The following CPVL variants were observed in gnomAD, a reference collection of about 807,000 sequenced individuals.
CPVL encodes probable serine carboxypeptidase CPVL.
Under a neutral mutation model 63.7 loss-of-function variants are expected in CPVL, and 51 were observed. That is an observed-to-expected ratio of 0.80 (90% CI 0.64 to 1.01). The LOEUF is 1.01. Among genes scored for constraint, CPVL ranks in the 50% least tolerant of loss-of-function variants. The probability of loss-of-function intolerance (pLI) is 0.00; values close to 1 mark genes in which losing one functional copy is unlikely to be tolerated. For synonymous variants in CPVL, 195 were observed against 206.0 expected, an observed-to-expected ratio of 0.95 and a Z score of 0.46; for missense variants, 530 against 573.1, an observed-to-expected ratio of 0.92 and a Z score of 0.77.
chr7:28,999,459 T>G (rs142646648), intron 12 of CPVL, among the ~76,000 whole-genome samples: 5 of 152,232 alleles, frequency 3.3e-5, no homozygotes, highest in Non-Finnish European at 5.9e-5. Flanking sequence ...ATTCTCTGTT[T>G]ACATCAAGGT....
intron 7 of CPVL, among the ~76,000 whole-genome samples, chr7:29,072,842 C>T (rs12671830): frequency 0.27 from 40,665 of 152,044 alleles, 6,317 homozygotes; most frequent in East Asian, 0.61. Context: ...TTGAAATCAA[C>T]ATGTACTAAA....
chr7:29,014,074 C>T lies in CPVL; in HGVS notation c.1320+16503G>A, dbSNP rs148069354. ...TGCACCCCAAACTTTGCCTCAGTGCCTGCTTTTGGAGGACCTAACCTGTGA... is the reference window on the plus strand; with the variant it reads ...TGCACCCCAAACTTTGCCTCAGTGCTTGCTTTTGGAGGACCTAACCTGTGA... On this transcript the variant is annotated intron_variant, in intron 12 of 12. Coordinates refer to ENST00000265394, the MANE Select transcript of CPVL (RefSeq NM_031311.5). Among the ~76,000 whole-genome samples the T allele has an allele frequency of 1.2e-4, 19 of 152,268 alleles. No homozygotes were observed. The East Asian group carries it at 3.5e-3, about 28-fold the overall frequency.
At chr7:29,056,018 T>G (rs1248429495) in intron 11 of CPVL, among the ~76,000 whole-genome samples, 1 of 152,208 alleles carries the variant, frequency 6.6e-6, no homozygotes, top group Admixed American at 6.5e-5. Flanking sequence ...GGTAAATTAA[T>G]AAATTAGTAA....
chr7:29,027,308 A>C (rs1279034969), intron 12 of CPVL, among the ~76,000 whole-genome samples: 1 of 152,188 alleles, frequency 6.6e-6, no homozygotes, highest in Non-Finnish European at 1.5e-5. Context: ...AAAAACTGTC[A>C]ACAAATCAGG....
At chr7:29,100,821 C>G (rs938402210) in intron 3 of CPVL, among the ~76,000 whole-genome samples, 2 of 152,204 alleles carry the variant, frequency 1.3e-5, no homozygotes, top group Non-Finnish European at 2.9e-5. Flanking sequence ...AAAGCCCACA[C>G]ATACATCTTT....
intron 12 of CPVL, among the ~76,000 whole-genome samples, chr7:29,019,764 C>T (rs915759057): frequency 2.0e-5 from 3 of 152,186 alleles, no homozygotes; most frequent in Non-Finnish European, 4.4e-5. Context: ...TTTGTTCACA[C>T]GGGAGTGCTT....
chr7:29,110,758 A>T (rs569342233), intron 3 of CPVL, among the ~76,000 whole-genome samples: 3 of 152,254 alleles, frequency 2.0e-5, no homozygotes. Flanking sequence ...TAAAGTTGCT[A>T]ATCAACTGGC....
intron 12 of CPVL, among the ~76,000 whole-genome samples, chr7:29,005,693 C>T (rs560377602): frequency 1.2e-4 from 18 of 152,278 alleles, no homozygotes; most frequent in African/African-American, 4.1e-4. Context: ...CTTGTCGTAG[C>T]AGAATGGCAA....
chr7:28,997,706 C>G (rs1194317744), intron 12 of CPVL, among the ~76,000 whole-genome samples: 1 of 151,280 alleles, frequency 6.6e-6, no homozygotes, highest in Non-Finnish European at 1.5e-5. Context: ...TTAATCAAAC[C>G]CTCTACTCAA....
At chr7:29,102,312 T>A (rs1476898226) in intron 3 of CPVL, among the ~76,000 whole-genome samples, 4 of 152,142 alleles carry the variant, frequency 2.6e-5, no homozygotes, top group Non-Finnish European at 5.9e-5. Flanking sequence ...TATTTAAGTG[T>A]CAGCTCTGAT....
At chr7:29,187,328 T>C (rs1030298210) in intron 1 of CPVL, among the ~76,000 whole-genome samples, 2 of 150,590 alleles carry the variant, frequency 1.3e-5, no homozygotes, top group Non-Finnish European at 3.0e-5. Context: ...CATCTAGTGG[T>C]GTGTGTGTTT....
intron 11 of CPVL, among the ~76,000 whole-genome samples, chr7:29,038,788 C>T (rs886112199): frequency 2.0e-5 from 3 of 152,236 alleles, no homozygotes; most frequent in Non-Finnish European, 2.9e-5. Context: ...CCATTTATTT[C>T]ACTTCCTTCC....
intron 12 of CPVL, among the ~76,000 whole-genome samples, chr7:29,021,153 C>T (rs567894877): frequency 1.3e-5 from 2 of 150,880 alleles, no homozygotes; most frequent in South Asian, 4.2e-4. Context: ...GAGTGGGATT[C>T]TGTCTCAAGA....
At chr7:29,065,789 C>A (rs320082) in intron 10 of CPVL, among the ~76,000 whole-genome samples, 149,001 of 152,246 alleles carry the variant, frequency 0.98, 72,962 homozygotes, top group South Asian at 0.99. Context: ...AAATCATGTT[C>A]ATCAGAAGTT....
intron 11 of CPVL, among the ~76,000 whole-genome samples, chr7:29,059,361 T>C (rs954776821): frequency 3.9e-5 from 6 of 152,188 alleles, no homozygotes; most frequent in African/African-American, 1.4e-4. Context: ...TTGGCAAGTA[T>C]TATCTTGATT....
At chr7:29,190,530 A>AT (rs1380890565) in intron 1 of CPVL, among the ~76,000 whole-genome samples, 1 of 152,176 alleles carries the variant, frequency 6.6e-6, no homozygotes, top group Non-Finnish European at 1.5e-5. Context: ...AAATAAACAA[A>AT]TTACACCACC....
At chr7:29,014,653 A>AT (rs370811937) in intron 12 of CPVL, among the ~76,000 whole-genome samples, 5 of 152,062 alleles carry the variant, frequency 3.3e-5, no homozygotes, top group Non-Finnish European at 7.4e-5. Flanking sequence ...AAGCTAAAAC[A>AT]TTTTTCCAGG....
intron 1 of CPVL, chr7:29,193,209 A>T (rs937872776): frequency 6.6e-6 from 1 of 151,140 alleles, no homozygotes; most frequent in Non-Finnish European, 1.5e-5. Flanking sequence ...GTGTATTTTT[A>T]AAAAATGGAC....
At chr7:28,999,375 C>G (rs1370111669) in intron 12 of CPVL, among the ~76,000 whole-genome samples, 1 of 152,210 alleles carries the variant, frequency 6.6e-6, no homozygotes, top group Non-Finnish European at 1.5e-5. Context: ...CAAAGCAATG[C>G]TGATGCTGTT....
Sources: gnomAD v4.1 joint callset for allele counts (sites outside exome capture counted in the v4.1 genomes callset) on GRCh38, gnomAD v4.1.1 for gene constraint, MANE v1.5 for transcripts, NCBI Gene and HGNC (gene_info 2026-07-23, HGNC 2026-07-21) for gene names.